The following TSNARE1 variants were observed in gnomAD, a reference collection of about 807,000 sequenced individuals.
The protein encoded by TSNARE1 is t-SNARE domain-containing protein 1.
Under a neutral mutation model 62.0 loss-of-function variants are expected in TSNARE1, and 49 were observed. The ratio of observed to expected loss-of-function variants is 0.79; its 90% CI spans 0.63 to 1.00. The LOEUF (loss-of-function observed/expected upper bound fraction) is 1.00, where lower values mean the gene tolerates loss of function less well. TSNARE1 is among the 50% of genes least tolerant of loss of function. The probability of loss-of-function intolerance (pLI) is 0.00; values close to 1 mark genes in which losing one functional copy is unlikely to be tolerated. For missense variants in TSNARE1, 755 were observed against 700.1 expected, an observed-to-expected ratio of 1.08 and a Z score of -0.88; for synonymous variants, 328 against 294.4, an observed-to-expected ratio of 1.11 and a Z score of -1.17.
chr8:142,275,790 G>T (rs1265722071), intron 11 of TSNARE1: 2 of 985,302 alleles, frequency 2.0e-6, no homozygotes, highest in African/African-American at 3.5e-5. Context: ...TGAGCCTCAG[G>T]GGTCTTAAGG....
chr8:142,241,136 A>T (rs1817653355), intron 12 of TSNARE1, among the ~76,000 whole-genome samples: 1 of 152,260 alleles, frequency 6.6e-6, no homozygotes, highest in Non-Finnish European at 1.5e-5. Context: ...GACTCCACAC[A>T]AAACCTGTCA....
intron 12 of TSNARE1, among the ~76,000 whole-genome samples, chr8:142,260,050 C>CAGAAACTG (rs1818779641): frequency 2.0e-5 from 3 of 151,850 alleles, no homozygotes; most frequent in African/African-American, 7.3e-5. Context: ...CTGCTTGGGC[C>CAGAAACTG]TGGCTTCCAG....
chr8:142,257,301 G>A (rs1818631765), intron 12 of TSNARE1, among the ~76,000 whole-genome samples: 1 of 152,332 alleles, frequency 6.6e-6, no homozygotes, highest in South Asian at 2.1e-4. Context: ...GATTGGACAG[G>A]ACAAGGTCCT....
At chr8:142,288,608 C>T (rs932234726) in intron 10 of TSNARE1, among the ~76,000 whole-genome samples, 1 of 152,246 alleles carries the variant, frequency 6.6e-6, no homozygotes, top group Non-Finnish European at 1.5e-5. Flanking sequence ...AGCCGGCACT[C>T]GCGGAGCCAC....
At chr8:142,327,566 G>A (rs4370657) in intron 6 of TSNARE1, among the ~76,000 whole-genome samples, 27,239 of 152,146 alleles carry the variant, frequency 0.18, 2,531 homozygotes, top group East Asian at 0.22. Flanking sequence ...GCCCTCCATC[G>A]GGCACTCCGG....
In TSNARE1 at chr8:142,278,710, T is replaced by G. The variant is rs1431934628; in HGVS notation, c.1364-3847A>C. On this transcript the variant is annotated intron_variant, in intron 11 of 13. Coordinates refer to ENST00000524325, the MANE Select transcript of TSNARE1 (RefSeq NM_145003.5). ...GACAGAAACGCCTGGCTTCCGGTGG[T>G]CCCTGGAGTGGGCCCGTGGGCTCGG... is the stretch of plus-strand genomic sequence containing the variant. The G allele has an allele frequency of 3.0e-6, 3 of 985,162 alleles. No individual in the cohort carries two copies. The East Asian group carries it at 3.4e-4, about 112-fold the overall frequency. The allele number at this position is 985,162 out of a possible 1,614,324, so 61.0% of individuals were successfully genotyped here. A position where few individuals can be genotyped will look rare whatever the true frequency, so the allele number is the denominator to read the frequency against.
chr8:142,387,519 T>C (rs1325114250), intron 1 of TSNARE1, among the ~76,000 whole-genome samples: 2 of 151,944 alleles, frequency 1.3e-5, no homozygotes, highest in Non-Finnish European at 2.9e-5. Context: ...AAATGGAAAC[T>C]ATTCACTAAC....
intron 11 of TSNARE1, among the ~76,000 whole-genome samples, chr8:142,281,409 TG>T (rs1821427665): frequency 6.6e-6 from 1 of 151,816 alleles, no homozygotes; most frequent in African/African-American, 2.4e-5. Flanking sequence ...ACAGCAGGGA[TG>T]GGGTCCCTGT....
chr8:142,355,310 A>T (rs1389086511), intron 1 of TSNARE1, among the ~76,000 whole-genome samples: 1 of 152,216 alleles, frequency 6.6e-6, no homozygotes, highest in Admixed American at 6.5e-5. Flanking sequence ...AGCTGGCAAG[A>T]GCCATGGGGC....
rs1462819039 is a variant in TSNARE1, at chr8:142,255,821, TCACCAC to T, written c.1446+18954_1446+18959del. Among the ~76,000 whole-genome samples the T allele has an allele frequency of 2.9e-3, 28 of 9,512 alleles. 1 individual carries two copies. Among genetic ancestry groups the T allele is most frequent in the African/African-American group, 0.015 (27 of 1,770 alleles). 6.2% of individuals were successfully genotyped at this position (9,512 alleles called of 152,430 possible). A position where few individuals can be genotyped will look rare whatever the true frequency, so the allele number is the denominator to read the frequency against. On this transcript the variant is annotated intron_variant, in intron 12 of 13. Coordinates refer to ENST00000524325, the MANE Select transcript of TSNARE1 (RefSeq NM_145003.5). The stretch of plus-strand genomic sequence containing the variant: ...ATCACCACCACCACCACTGTCACCA[TCACCAC>T]CACCACCACCACCACCATCACCACC...
intron 13 of TSNARE1, among the ~76,000 whole-genome samples, chr8:142,212,652 G>A (rs7463969): frequency 0.11 from 16,184 of 151,922 alleles, 959 homozygotes; most frequent in Admixed American, 0.14. Flanking sequence ...CGAGTCCACC[G>A]GAGCTCCCCA....
chr8:142,402,910 C>T (rs1451341954), intron 1 of TSNARE1, 194 bp downstream of exon 1: 1 of 151,906 alleles, frequency 6.6e-6, no homozygotes, highest in Non-Finnish European at 1.5e-5. Context: ...TGGGGTCCAC[C>T]CCCGGCACGG....
At chr8:142,237,629 G>A (rs1028563188) in intron 12 of TSNARE1, among the ~76,000 whole-genome samples, 3 of 152,224 alleles carry the variant, frequency 2.0e-5, no homozygotes, top group East Asian at 1.9e-4. Context: ...GTCCGTGGCC[G>A]CATGCTGTGA....
chr8:142,386,012 G>A (rs1837092107), intron 1 of TSNARE1, among the ~76,000 whole-genome samples: 1 of 152,084 alleles, frequency 6.6e-6, no homozygotes, highest in Non-Finnish European at 1.5e-5. Flanking sequence ...TTGCATCTAG[G>A]GGCCAGCAAA....
At chr8:142,403,018 G>C (rs1381366493) in intron 1 of TSNARE1, 86 bp downstream of exon 1, 1 of 148,388 alleles carries the variant, frequency 6.7e-6, no homozygotes. Context: ...CCGGGCTCCG[G>C]GCCCCGCGCT....
intron 12 of TSNARE1, among the ~76,000 whole-genome samples, chr8:142,255,692 T>C (rs368576129): frequency 2.8e-3 from 40 of 14,352 alleles, no homozygotes; most frequent in Admixed American, 5.9e-3. Context: ...ACCATCACCA[T>C]CACCACCACC....
chr8:142,294,981 G>A (rs937059971), intron 10 of TSNARE1, among the ~76,000 whole-genome samples: 7 of 152,142 alleles, frequency 4.6e-5, no homozygotes, highest in South Asian at 2.1e-4. Flanking sequence ...CCCAACACCC[G>A]GAGTCCTGGG....
chr8:142,224,762 A>T (rs1193456502), intron 13 of TSNARE1, among the ~76,000 whole-genome samples: 7 of 151,572 alleles, frequency 4.6e-5, no homozygotes, highest in African/African-American at 1.7e-4. Flanking sequence ...CCAGGCTGGC[A>T]TGGCCTCACC....
At position 142,237,045 on chromosome 8, in the gene TSNARE1, C is replaced by T. The variant is rs373689316; in HGVS notation, c.1447-7466G>A. On this transcript the variant is annotated intron_variant, in intron 12 of 13. Coordinates refer to ENST00000524325, the MANE Select transcript of TSNARE1 (RefSeq NM_145003.5). Reference sequence around the variant, plus strand: ...GGAGCTTTTTAGGCAATCAAAAGCCCGGAGCCAGGGGCCTGAGGTTCCAGA... The same window carrying T: ...GGAGCTTTTTAGGCAATCAAAAGCCTGGAGCCAGGGGCCTGAGGTTCCAGA... Among the ~76,000 whole-genome samples the T allele has an allele frequency of 1.6e-4, 25 of 152,204 alleles. No homozygotes were observed. The South Asian group carries it at 4.4e-3, about 27-fold the overall frequency.
Sources: allele counts gnomAD v4.1 joint callset (sites outside exome capture counted in the v4.1 genomes callset), GRCh38; gene constraint gnomAD v4.1.1; transcripts MANE v1.5; gene names NCBI Gene and HGNC (gene_info 2026-07-23, HGNC 2026-07-21).